The following SDHAF2 variants were observed in gnomAD, a reference collection of about 807,000 sequenced individuals.
The protein encoded by SDHAF2 is succinate dehydrogenase complex assembly factor 2, also known as succinate dehydrogenase assembly factor 2, mitochondrial.
A neutral mutation model predicts 18.5 loss-of-function variants in SDHAF2; 21 were observed. The observed-to-expected ratio is 1.13, with a 90% CI of 0.80 to 1.63. The LOEUF (loss-of-function observed/expected upper bound fraction) is 1.63. Ranked by LOEUF, SDHAF2 falls within the 40% of genes most tolerant of loss-of-function variation. The pLI is 0.00. For synonymous variants in SDHAF2, 84 were observed against 70.7 expected, an observed-to-expected ratio of 1.19 and a Z score of -0.94; for missense variants, 195 against 200.3, an observed-to-expected ratio of 0.97 and a Z score of 0.16.
intron 1 of SDHAF2, chr11:61,430,890 C>G (rs1861880039): frequency 6.6e-6 from 1 of 151,302 alleles, no homozygotes; most frequent in South Asian, 2.1e-4. Flanking sequence ...GGGACTCGAT[C>G]TTTATTCTTT....
chr11:61,440,530 G>A (rs929528277), intron 3 of SDHAF2, among the ~76,000 whole-genome samples: 1 of 152,270 alleles, frequency 6.6e-6, no homozygotes, highest in African/African-American at 2.4e-5. Flanking sequence ...AAACCTGGGA[G>A]GTGGAGGTTG....
At chr11:61,439,756 CTTG>C in intron 3 of SDHAF2, among the ~76,000 whole-genome samples, 1 of 152,294 alleles carries the variant, frequency 6.6e-6, no homozygotes, top group Non-Finnish European at 1.5e-5. Context: ...GATGCGTATC[CTTG>C]TTGTTACTTG....
intron 1 of SDHAF2, chr11:61,432,759 G>C (rs1861948318): frequency 6.6e-6 from 1 of 151,870 alleles, no homozygotes; most frequent in Non-Finnish European, 1.5e-5. Flanking sequence ...GTCTTACACA[G>C]GTATTTCTTT....
At chr11:61,442,168 C>T (rs184371330) in intron 3 of SDHAF2, among the ~76,000 whole-genome samples, 63 of 152,318 alleles carry the variant, frequency 4.1e-4, no homozygotes, top group African/African-American at 1.5e-3. Context: ...GCTGGGATTA[C>T]AGGTGTGAGC....
chr11:61,438,725 A>G (rs1862028079), intron 3 of SDHAF2, among the ~76,000 whole-genome samples: 1 of 152,196 alleles, frequency 6.6e-6, no homozygotes. Context: ...TCAGACAACT[A>G]AGTCTGCATA....
chr11:61,437,875 A>T (rs2134892611), intron 2 of SDHAF2, 27 bp downstream of exon 2: 3 of 1,589,160 alleles, frequency 1.9e-6, no homozygotes, highest in Admixed American at 1.7e-5. Context: ...CTTTTTTTTT[A>T]AATCGGGCAG....
At chr11:61,441,748 A>G (rs1377247553) in intron 3 of SDHAF2, among the ~76,000 whole-genome samples, 1 of 152,192 alleles carries the variant, frequency 6.6e-6, no homozygotes, top group Non-Finnish European at 1.5e-5. Flanking sequence ...TCCAAGAAGT[A>G]TATATTGGTA....
chr11:61,443,798 G>A (rs544053799), intron 3 of SDHAF2, among the ~76,000 whole-genome samples: 104 of 151,128 alleles, frequency 6.9e-4, no homozygotes, highest in Non-Finnish European at 1.2e-3. Context: ...TTTTTGAGAC[G>A]GAGTCTCACT....
intron 3 of SDHAF2, among the ~76,000 whole-genome samples, chr11:61,444,585 T>C (rs148976776): frequency 0.02 from 3,054 of 151,408 alleles, 104 homozygotes; most frequent in African/African-American, 0.069. Context: ...AAAAAAAAAT[T>C]ACAAAAAATC....
In SDHAF2 at chr11:61,436,062, T is replaced by C. The variant is rs573662014; in HGVS notation, c.37-1563T>C. ...GCTTGATCCTGGGAGGCGGAGGTTG[T>C]GGTGAGCCGAGATCGCGCCATTGCA... is the stretch of plus-strand genomic sequence containing the variant. On this transcript the variant is annotated intron_variant, in intron 1 of 3. Transcript: ENST00000301761. 967 of 152,080 alleles carry C rather than the reference T, an allele frequency of 6.4e-3. 4 individuals are homozygous for C. Among genetic ancestry groups the C allele is most frequent in the Non-Finnish European group, 0.01 (693 of 68,504 alleles). 9.4% of individuals were successfully genotyped at this position (152,080 alleles called of 1,614,324 possible).
intron 3 of SDHAF2, among the ~76,000 whole-genome samples, chr11:61,445,011 T>C (rs1007737408): frequency 6.6e-6 from 1 of 152,204 alleles, no homozygotes; most frequent in Non-Finnish European, 1.5e-5. Context: ...TTCTACTTTC[T>C]TGGGGGAAGC....
At position 61,446,461 on chromosome 11, in the gene SDHAF2, G is replaced by A. The variant is rs937752231; in HGVS notation, c.*390G>A. The stretch of plus-strand genomic sequence containing the variant: ...GTGCGTGCTGTATGGAAAGCCTCCC[G>A]CCCTCCCTGCAGCTCCCCGCCCTCA... On this transcript the variant is annotated 3_prime_UTR_variant, in exon 4 of 4. Transcript: ENST00000301761. The A allele has an allele frequency of 1.1e-5, 6 of 529,158 alleles. No individual in the cohort carries two copies. Among genetic ancestry groups the A allele is most frequent in the African/African-American group, 3.8e-5 (2 of 52,286 alleles). The allele number at this position is 529,158 out of a possible 1,614,324, so 32.8% of individuals were successfully genotyped here. A position where few individuals can be genotyped will look rare whatever the true frequency, so the allele number is the denominator to read the frequency against.
At chr11:61,440,371 G>A (rs1340804031) in intron 3 of SDHAF2, among the ~76,000 whole-genome samples, 3 of 150,608 alleles carry the variant, frequency 2.0e-5, no homozygotes, top group African/African-American at 4.9e-5. Flanking sequence ...AGGTCGAGGC[G>A]GGTGGATCAC....
At chr11:61,440,677 G>GGTAA (rs1480070963) in intron 3 of SDHAF2, among the ~76,000 whole-genome samples, 4 of 152,092 alleles carry the variant, frequency 2.6e-5, no homozygotes, top group Non-Finnish European at 5.9e-5. Context: ...TTCTATAATA[G>GGTAA]GTAAATATAG....
At chr11:61,430,282 G>T in intron 1 of SDHAF2, 100 bp downstream of exon 1, 1 of 1,482,022 alleles carries the variant, frequency 6.7e-7, no homozygotes, top group Non-Finnish European at 9.4e-7. Context: ...TCGTCTGCCC[G>T]ATAGCGCAGG....
chr11:61,445,447 T>C (rs1264441159), intron 3 of SDHAF2, among the ~76,000 whole-genome samples: 2 of 152,212 alleles, frequency 1.3e-5, no homozygotes, highest in Non-Finnish European at 2.9e-5. Context: ...TTAGTTTCTG[T>C]CTCTTAAAAC....
chr11:61,440,800 T>C (rs568897976), intron 3 of SDHAF2, among the ~76,000 whole-genome samples: 1 of 152,296 alleles, frequency 6.6e-6, no homozygotes, highest in African/African-American at 2.4e-5. Context: ...GGTAAACGAA[T>C]ATGATTGTGT....
At chr11:61,437,894 G>C (rs1441465236) in intron 2 of SDHAF2, 46 bp downstream of exon 2, 2 of 1,581,210 alleles carry the variant, frequency 1.3e-6, no homozygotes, top group Non-Finnish European at 1.7e-6. Flanking sequence ...AGCTTCCTGA[G>C]CCAGAGTAGG....
rs749431351 is a variant in SDHAF2, at chr11:61,437,732, TGAA to T, written c.145_147del (p.Glu49del). On this transcript the variant is annotated inframe_deletion, in exon 2 of 4. Coordinates refer to ENST00000301761, the MANE Select transcript of SDHAF2 (RefSeq NM_017841.4). ...CAACAGATTCCCAAAAGGACATGAT[TGAA>T]ATCCCTTTGCCTCCATGGCAGGAGA... The T allele has an allele frequency of 2.0e-5, 33 of 1,614,066 alleles. No homozygotes were observed. Among genetic ancestry groups the T allele is most frequent in the Non-Finnish European group, 2.7e-5 (32 of 1,180,024 alleles).
Sources: gnomAD v4.1 joint callset for allele counts (sites outside exome capture counted in the v4.1 genomes callset) on GRCh38, gnomAD v4.1.1 for gene constraint, MANE v1.5 for transcripts, NCBI Gene and HGNC (gene_info 2026-07-23, HGNC 2026-07-21) for gene names.